The following ACOT12 variants were observed in gnomAD, a reference collection of about 807,000 sequenced individuals.
ACOT12 encodes the protein acetyl-coenzyme A thioesterase.
In ACOT12, 51 loss-of-function variants were observed where a neutral mutation model predicts 67.7. The ratio of observed to expected loss-of-function variants is 0.75; its 90% CI spans 0.60 to 0.95. The LOEUF (loss-of-function observed/expected upper bound fraction) is 0.95, where lower values mean the gene tolerates loss of function less well. Among genes scored for constraint, ACOT12 ranks in the 40% least tolerant of loss-of-function variants. The pLI is 0.00. For synonymous variants in ACOT12, 251 were observed against 244.6 expected, an observed-to-expected ratio of 1.03 and a Z score of -0.24; for missense variants, 734 against 708.1, an observed-to-expected ratio of 1.04 and a Z score of -0.41.
intron 3 of ACOT12, among the ~76,000 whole-genome samples, chr5:81,370,295 A>G (rs1235269390): frequency 1.3e-5 from 2 of 152,176 alleles, no homozygotes; most frequent in Non-Finnish European, 2.9e-5. Flanking sequence ...AAAAACAAAA[A>G]AAAAGAAAGT....
At chr5:81,331,486 G>C (rs1758826503) in intron 13 of ACOT12, among the ~76,000 whole-genome samples, 2 of 152,224 alleles carry the variant, frequency 1.3e-5, no homozygotes, top group South Asian at 4.1e-4. Flanking sequence ...GCAGTGAGCT[G>C]AGATTGTGCC....
chr5:81,344,294 T>C lies in ACOT12; in HGVS notation c.925-79A>G, dbSNP rs1038680860. ...TTAGTGCTATAATCCTTAAGTATCCTTCTCCTAAATCAGTCAAAAGGGCTA... is the reference window on the plus strand; with the variant it reads ...TTAGTGCTATAATCCTTAAGTATCCCTCTCCTAAATCAGTCAAAAGGGCTA... On this transcript the variant is annotated intron_variant, in intron 8 of 14. Coordinates refer to ENST00000307624, the MANE Select transcript of ACOT12 (RefSeq NM_130767.3). 1.3e-5 allele frequency: 18 copies of C among 1,415,674 alleles called. No homozygotes were observed. In the African/African-American group the frequency reaches 2.3e-4, roughly 18 times the overall value. 87.7% of individuals were successfully genotyped at this position (1,415,674 alleles called of 1,614,324 possible).
intron 5 of ACOT12, among the ~76,000 whole-genome samples, chr5:81,357,901 G>C (rs1759769752): frequency 6.6e-6 from 1 of 151,496 alleles, no homozygotes; most frequent in South Asian, 2.1e-4. Context: ...AGCTACTCTG[G>C]AGGCTGAGGC....
chr5:81,364,813 G>T (rs1444126842), intron 3 of ACOT12, among the ~76,000 whole-genome samples: 2 of 152,004 alleles, frequency 1.3e-5, no homozygotes, highest in Non-Finnish European at 2.9e-5. Context: ...CAAGATATTG[G>T]TGTCTGCCTT....
At chr5:81,388,269 A>G (rs140075109) in intron 1 of ACOT12, among the ~76,000 whole-genome samples, 90 of 152,312 alleles carry the variant, frequency 5.9e-4, no homozygotes, top group Admixed American at 1.5e-3. Flanking sequence ...GATTTATACC[A>G]TTGATTTTCA....
At chr5:81,319,709 CTG>C in the ACOT12 span, among the ~76,000 whole-genome samples, 2 of 149,238 alleles carry the variant, frequency 1.3e-5, no homozygotes, top group African/African-American at 5.0e-5. Flanking sequence ...AAGAGCGAAA[CTG>C]TCTCAAAAAA....
At chr5:81,318,540 T>C in the ACOT12 span, among the ~76,000 whole-genome samples, 1 of 152,184 alleles carries the variant, frequency 6.6e-6, no homozygotes, top group African/African-American at 2.4e-5. Context: ...TATATTTTCA[T>C]ATGAATCTCA....
Position 81,342,710 on chromosome 5 carries a change from C to T in ACOT12, c.1090G>A (p.Ala364Thr). The T allele has an allele frequency of 1.9e-6, 3 of 1,614,154 alleles. No individual in the cohort carries two copies. The highest frequency in any genetic ancestry group is 2.2e-5 in the East Asian group (1 of 44,880). The change falls in exon 11 of 15, where the codon GCC becomes ACC. Residue 364 changes from alanine to threonine, a missense_variant. Ala to Thr is a moderately conservative substitution (Grantham distance 58). Transcript: ENST00000307624. ...CTGGTAACCTCCCAACCCCTTTTGG[C>T]TGCCAGTTTTTTGAGGGCCTCCACA... ...SNVEALKKLAAKRGWEVTSTV... is the reference protein window; with the variant it reads ...SNVEALKKLATKRGWEVTSTV...
chr5:81,375,083 GC>G (rs1760368146), intron 2 of ACOT12, among the ~76,000 whole-genome samples: 1 of 152,182 alleles, frequency 6.6e-6, no homozygotes, highest in African/African-American at 2.4e-5. Flanking sequence ...GTTAAGGGCA[GC>G]CAGAGAGAAA....
chr5:81,343,074 T>C (rs1759252136), intron 10 of ACOT12, among the ~76,000 whole-genome samples: 1 of 151,932 alleles, frequency 6.6e-6, no homozygotes, highest in East Asian at 1.9e-4. Context: ...CCCAGCTACT[T>C]GGAGGCTGAG....
At chr5:81,382,697 G>A (rs1760618537) in intron 2 of ACOT12, among the ~76,000 whole-genome samples, 3 of 152,004 alleles carry the variant, frequency 2.0e-5, no homozygotes, top group Non-Finnish European at 1.5e-5. Context: ...GCTACTTCGG[G>A]AGGCTGAGGC....
At position 81,346,065 on chromosome 5, in the gene ACOT12, T is replaced by C. The variant is rs1000485905; in HGVS notation, c.654-61A>G. On this transcript the variant is annotated intron_variant, in intron 6 of 14. Transcript: ENST00000307624. ...ATCACACATTCATTCATCGAACAAATGCACAGACAAGTCTTCAAATAAGCA... is the reference window on the plus strand; with the variant it reads ...ATCACACATTCATTCATCGAACAAACGCACAGACAAGTCTTCAAATAAGCA... The C allele has an allele frequency of 5.1e-5, 81 of 1,592,374 alleles. No individual in the cohort carries two copies. In the African/African-American group the frequency reaches 8.3e-4, roughly 16 times the overall value.
rs373908336 is a variant in ACOT12 at position 81,342,639 on chromosome 5, G to C, written c.1128+33C>G. 7 of 1,606,630 alleles carry C rather than the reference G, an allele frequency of 4.4e-6. No homozygotes were observed. In the East Asian group the frequency reaches 1.6e-4, roughly 36 times the overall value. ...ACCACAGCTTTCGTTTGTGATGGGC[G>C]ATGGATTATGCAAATACCTGGAAGT... On this transcript the variant is annotated intron_variant, in intron 11 of 14. Coordinates refer to ENST00000307624, the MANE Select transcript of ACOT12 (RefSeq NM_130767.3).
intron 2 of ACOT12, among the ~76,000 whole-genome samples, chr5:81,385,017 C>A (rs1483940785): frequency 6.6e-6 from 1 of 152,156 alleles, no homozygotes; most frequent in African/African-American, 2.4e-5. Context: ...AGAACTTTCA[C>A]ACATAAAATG....
At chr5:81,373,374 G>C (rs563905480) in intron 2 of ACOT12, among the ~76,000 whole-genome samples, 1 of 152,338 alleles carries the variant, frequency 6.6e-6, no homozygotes, top group Admixed American at 6.5e-5. Flanking sequence ...GCAACCCGCA[G>C]ACCAGGAGAT....
At chr5:81,356,336 C>T (rs6871569) in intron 5 of ACOT12, among the ~76,000 whole-genome samples, 33,397 of 152,010 alleles carry the variant, frequency 0.22, 3,845 homozygotes, top group Admixed American at 0.28. Context: ...GCTGCCTTGG[C>T]GTGTGACACT....
At chr5:81,338,665 G>C (rs1759087464) in intron 11 of ACOT12, among the ~76,000 whole-genome samples, 1 of 152,216 alleles carries the variant, frequency 6.6e-6, no homozygotes. Context: ...TCATTTGATG[G>C]TTGGAGAATT....
At position 81,343,774 on chromosome 5, in the gene ACOT12, T is replaced by A. The variant is rs143832378; in HGVS notation, c.1044+44A>T. ...GGCAAGCGGATTTCCATTTTTGTAA[T>A]GATGAGACTTTTATATGAAGAGCTC... On this transcript the variant is annotated intron_variant, in intron 10 of 14. Transcript: ENST00000307624. 1.6e-4 allele frequency: 258 copies of A among 1,593,842 alleles called. No individual in the cohort carries two copies. In the African/African-American group the frequency reaches 2.9e-3, roughly 18 times the overall value.
intron 1 of ACOT12, among the ~76,000 whole-genome samples, chr5:81,389,955 A>ATTTTT (rs34623194): frequency 1.0e-4 from 13 of 129,552 alleles, no homozygotes; most frequent in African/African-American, 3.7e-4. Flanking sequence ...TTATTTATGT[A>ATTTTT]TTTTTTTTTT....
Sources: gnomAD v4.1 joint callset for allele counts (sites outside exome capture counted in the v4.1 genomes callset) on GRCh38, gnomAD v4.1.1 for gene constraint, MANE v1.5 for transcripts, NCBI Gene and HGNC (gene_info 2026-07-23, HGNC 2026-07-21) for gene names.